LHPP: variants seen among roughly 807,000 people sequenced by gnomAD.
The protein encoded by LHPP is phospholysine phosphohistidine inorganic pyrophosphate phosphatase.
Under a neutral mutation model 30.3 loss-of-function variants are expected in LHPP, and 24 were observed. That is an observed-to-expected ratio of 0.79 (90% confidence interval 0.57 to 1.11). LHPP has a LOEUF of 1.11. Ranked by LOEUF, LHPP falls within the 50% of genes most tolerant of loss-of-function variation. The probability of loss-of-function intolerance (pLI) is 0.00; values close to 1 mark genes in which losing one functional copy is unlikely to be tolerated. For synonymous variants in LHPP, 150 were observed against 157.1 expected (o/e 0.95, Z 0.34); for missense variants, 356 against 367.2 (o/e 0.97, Z 0.25).
intron 4 of LHPP, 81 bp from the exon 5 acceptor site, chr10:124,497,955 T>C (rs1037910659): frequency 1.3e-5 from 15 of 1,134,044 alleles, no homozygotes; most frequent in Non-Finnish European, 1.9e-5. Context: ...TGGGGGCACA[T>C]TTGGGACAGT....
At chr10:124,484,436 C>T (rs1953253523) in intron 2 of LHPP, 110 bp downstream of exon 2, 21 of 1,060,466 alleles carry the variant, frequency 2.0e-5, no homozygotes, top group Middle Eastern at 3.1e-4. Flanking sequence ...CTGAGCTAGG[C>T]CACCAACACT....
chr10:124,533,255 C>G (rs1954940942), intron 6 of LHPP, among the ~76,000 whole-genome samples: 1 of 152,338 alleles, frequency 6.6e-6, no homozygotes, highest in South Asian at 2.1e-4. Flanking sequence ...TTGAGGGAGA[C>G]TGCTTGGCTT....
chr10:124,485,504 AT>A (rs1041038097), intron 2 of LHPP, among the ~76,000 whole-genome samples: 9 of 150,142 alleles, frequency 6.0e-5, no homozygotes, highest in South Asian at 4.2e-4. Flanking sequence ...CAGACTTGGA[AT>A]TTTTTTTTTC....
intron 6 of LHPP, among the ~76,000 whole-genome samples, chr10:124,566,197 G>A (rs1225384214): frequency 6.6e-6 from 1 of 152,268 alleles, no homozygotes; most frequent in Non-Finnish European, 1.5e-5. Flanking sequence ...AGGTCCTGGA[G>A]ACCGGGCGTG....
intron 6 of LHPP, among the ~76,000 whole-genome samples, chr10:124,572,275 A>C (rs559323519): frequency 6.6e-6 from 1 of 152,206 alleles, no homozygotes; most frequent in Non-Finnish European, 1.5e-5. Flanking sequence ...AGGCTTTTGC[A>C]GTAACCGACG....
At chr10:124,482,667 C>T (rs186687872) in intron 1 of LHPP, among the ~76,000 whole-genome samples, 7 of 152,124 alleles carry the variant, frequency 4.6e-5, no homozygotes, top group Admixed American at 6.5e-5. Context: ...TCCTCTAGCA[C>T]GCTCGGGTCC....
intron 6 of LHPP, among the ~76,000 whole-genome samples, chr10:124,585,634 GA>G (rs1413530633): frequency 6.7e-6 from 1 of 150,234 alleles, no homozygotes; most frequent in East Asian, 2.0e-4. Flanking sequence ...AAAAGAAAAA[GA>G]AAAAAAAGAA....
chr10:124,595,429 G>A (rs140595635), intron 6 of LHPP, among the ~76,000 whole-genome samples: 176 of 152,338 alleles, frequency 1.2e-3, no homozygotes, highest in Admixed American at 4.6e-3. Flanking sequence ...GCTTCTGAGC[G>A]CCAAGGTAGC....
intron 6 of LHPP, among the ~76,000 whole-genome samples, chr10:124,530,360 C>T (rs974879836): frequency 5.3e-5 from 8 of 152,102 alleles, no homozygotes; most frequent in South Asian, 2.1e-4. Flanking sequence ...GAGCCAGGGC[C>T]GATGCACGCA....
At chr10:124,580,606 T>C (rs1180200198) in intron 6 of LHPP, among the ~76,000 whole-genome samples, 2 of 152,248 alleles carry the variant, frequency 1.3e-5, no homozygotes, top group Non-Finnish European at 2.9e-5. Context: ...TAAAGCTTTA[T>C]TGAGACATAA....
chr10:124,613,112 G>C, intron 6 of LHPP, 152 bp from the exon 7 acceptor site: 2 of 680,228 alleles, frequency 2.9e-6, no homozygotes, highest in East Asian at 2.6e-5. Flanking sequence ...GGGGAGGAGG[G>C]GGATGGCCAG....
chr10:124,499,657 A>T (rs1327749464), intron 5 of LHPP, among the ~76,000 whole-genome samples: 1 of 151,720 alleles, frequency 6.6e-6, no homozygotes, highest in Non-Finnish European at 1.5e-5. Flanking sequence ...TCCTTCTTTA[A>T]AAAAAAGAAA....
At chr10:124,536,933 GC>G (rs1955041970) in intron 6 of LHPP, among the ~76,000 whole-genome samples, 1 of 152,126 alleles carries the variant, frequency 6.6e-6, no homozygotes, top group South Asian at 2.1e-4. Flanking sequence ...ATGCCAGGCT[GC>G]CCAGGCTCCC....
intron 1 of LHPP, among the ~76,000 whole-genome samples, chr10:124,471,711 G>A (rs376927582): frequency 2.9e-4 from 4 of 13,804 alleles, no homozygotes; most frequent in Admixed American, 1.2e-3. Flanking sequence ...ATATATATTT[G>A]TATATATATT....
chr10:124,516,822 A>T (rs1183854211), intron 5 of LHPP, among the ~76,000 whole-genome samples: 1 of 152,198 alleles, frequency 6.6e-6, no homozygotes, highest in Non-Finnish European at 1.5e-5. Context: ...AAGGGCAAAT[A>T]ACCAGGTTAC....
intron 6 of LHPP, among the ~76,000 whole-genome samples, chr10:124,608,814 G>T (rs78137999): frequency 1.3e-5 from 2 of 152,194 alleles, no homozygotes; most frequent in Admixed American, 1.3e-4. Context: ...TGAGTAAGCC[G>T]GAGAGCATCA....
At chr10:124,509,666 C>T (rs1223069173) in intron 5 of LHPP, among the ~76,000 whole-genome samples, 2 of 151,710 alleles carry the variant, frequency 1.3e-5, no homozygotes, top group African/African-American at 4.8e-5. Context: ...GTCTCCAGGT[C>T]TCTGTGGGAG....
At position 124,541,038 on chromosome 10, in the gene LHPP, A is replaced by T. The variant is rs571790538; in HGVS notation, c.716+23767A>T. Among the ~76,000 whole-genome samples the T allele has an allele frequency of 6.6e-6, 1 of 152,370 alleles. No homozygotes were observed. The highest frequency in any genetic ancestry group is 1.5e-5 in the Non-Finnish European group (1 of 68,024). On this transcript the variant is annotated intron_variant, in intron 6 of 6. Transcript: ENST00000368842. The surrounding 1 kb of genome is among the most constrained non-coding windows in gnomAD (Gnocchi z 4.2). Reference sequence around the variant, plus strand: ...TAATAATTCAAAAATCCATTAAATTATTTAACAGCTTTTTTAATGGAGGAA... The same window carrying T: ...TAATAATTCAAAAATCCATTAAATTTTTTAACAGCTTTTTTAATGGAGGAA...
At chr10:124,607,257 T>C (rs1949107161) in intron 6 of LHPP, among the ~76,000 whole-genome samples, 1 of 152,202 alleles carries the variant, frequency 6.6e-6, no homozygotes, top group Non-Finnish European at 1.5e-5. Flanking sequence ...GGGCAGGGAC[T>C]CCTCCTGCCC....
Sources: gnomAD v4.1 joint callset for allele counts (sites outside exome capture counted in the v4.1 genomes callset) on GRCh38, gnomAD v4.1.1 for gene constraint, Gnocchi (gnomAD v3.1) non-coding constraint, MANE v1.5 for transcripts, NCBI Gene and HGNC (gene_info 2026-07-23, HGNC 2026-07-21) for gene names.